NCALD: variants seen among roughly 807,000 people sequenced by gnomAD.
NCALD encodes the protein neurocalcin delta, also known as neurocalcin-delta.
Under a neutral mutation model 18.6 loss-of-function variants are expected in NCALD, and 10 were observed. The ratio of observed to expected loss-of-function variants is 0.54; its 90% CI spans 0.33 to 0.91. NCALD has a LOEUF of 0.91. Among genes scored for constraint, NCALD ranks in the 40% least tolerant of loss-of-function variants. NCALD has a pLI of 0.03. For synonymous variants in NCALD, 88 were observed against 87.4 expected, an observed-to-expected ratio of 1.01 and a Z score of -0.04; for missense variants, 184 against 247.6, an observed-to-expected ratio of 0.74 and a Z score of 1.72.
chr8:101,785,991 G>C (rs1330613610), intron 1 of NCALD: 2 of 152,206 alleles, frequency 1.3e-5, no homozygotes, highest in Non-Finnish European at 2.9e-5. Context: ...GTTTTGTTTT[G>C]ATGTTCTGTT....
intron 1 of NCALD, among the ~76,000 whole-genome samples, chr8:101,764,049 A>G (rs1811241818): frequency 6.6e-6 from 1 of 151,274 alleles, no homozygotes; most frequent in Admixed American, 6.6e-5. Context: ...AGAACCTTAA[A>G]TAATGCACTG....
chr8:101,885,723 C>T (rs1426617214), intron 4 of NCALD, among the ~76,000 whole-genome samples: 1 of 152,126 alleles, frequency 6.6e-6, no homozygotes, highest in Non-Finnish European at 1.5e-5. Flanking sequence ...AGAGAAGGAC[C>T]CAGGTGCTGC....
chr8:101,940,562 C>CT (rs1011784776), intron 2 of NCALD, among the ~76,000 whole-genome samples: 1 of 152,130 alleles, frequency 6.6e-6, no homozygotes, highest in Non-Finnish European at 1.5e-5. Flanking sequence ...AGTGTGATGG[C>CT]TTTTTTTCTC....
chr8:101,788,891 A>G (rs1812341883), intron 1 of NCALD: 1 of 152,146 alleles, frequency 6.6e-6, no homozygotes, highest in Non-Finnish European at 1.5e-5. Context: ...TTATTTTCCC[A>G]TAGGAAAAGA....
At chr8:101,932,876 G>A (rs965292438) in intron 2 of NCALD, among the ~76,000 whole-genome samples, 1 of 152,106 alleles carries the variant, frequency 6.6e-6, no homozygotes, top group East Asian at 1.9e-4. Flanking sequence ...TAAATTATAG[G>A]CAGTTCAGAT....
intron 1 of NCALD, among the ~76,000 whole-genome samples, chr8:102,022,456 A>G (rs1452899182): frequency 1.3e-5 from 2 of 152,174 alleles, no homozygotes; most frequent in Non-Finnish European, 2.9e-5. Flanking sequence ...GTTCTTGGAA[A>G]TGGTTCAGAT....
intron 4 of NCALD, among the ~76,000 whole-genome samples, chr8:101,837,391 A>G (rs998275882): frequency 5.3e-5 from 8 of 152,228 alleles, no homozygotes. Context: ...CATAGGCATA[A>G]ATCAAACCAT....
At chr8:102,084,458 C>T (rs117547966) in intron 1 of NCALD, among the ~76,000 whole-genome samples, 101 of 152,284 alleles carry the variant, frequency 6.6e-4, no homozygotes, top group Non-Finnish European at 1.3e-3. Context: ...ACCAAGGGGG[C>T]GACTTGAGAG....
chr8:102,105,391 T>C (rs1825412198), intron 1 of NCALD, among the ~76,000 whole-genome samples: 1 of 152,154 alleles, frequency 6.6e-6, no homozygotes. Context: ...TGGCCACCAA[T>C]GAAACTAAGA....
intron 1 of NCALD, among the ~76,000 whole-genome samples, chr8:102,059,905 G>A (rs935388270): frequency 6.6e-6 from 1 of 152,194 alleles, no homozygotes; most frequent in Admixed American, 6.5e-5. Context: ...CTGCCAGGGG[G>A]CCTACCCTCA....
At chr8:101,719,156 C>A (rs1425689377) in intron 2 of NCALD, 96 bp downstream of exon 2, 2 of 1,449,464 alleles carry the variant, frequency 1.4e-6, no homozygotes, top group Admixed American at 2.2e-5. Context: ...TGGTGACTCA[C>A]CAGTTTGCAA....
chr8:101,870,909 C>CCCCA (rs1554649158), intron 4 of NCALD, among the ~76,000 whole-genome samples: 36 of 81,542 alleles, frequency 4.4e-4, no homozygotes, highest in South Asian at 2.3e-3. Context: ...CCCCCCCCCC[C>CCCCA]AAAAAAAGAG....
At chr8:101,787,963 CTA>C (rs1408747213) in intron 1 of NCALD, among the ~76,000 whole-genome samples, 1 of 152,186 alleles carries the variant, frequency 6.6e-6, no homozygotes, top group Non-Finnish European at 1.5e-5. Flanking sequence ...TGTACTAACA[CTA>C]TGAGTTTTCC....
intron 1 of NCALD, among the ~76,000 whole-genome samples, chr8:102,082,556 A>AT (rs1301262598): frequency 1.3e-5 from 2 of 152,122 alleles, no homozygotes; most frequent in African/African-American, 4.8e-5. Flanking sequence ...AGATGGTCAA[A>AT]TATGCAGCAT....
At chr8:101,838,574 G>T (rs1814509203) in intron 4 of NCALD, among the ~76,000 whole-genome samples, 1 of 152,188 alleles carries the variant, frequency 6.6e-6, no homozygotes, top group African/African-American at 2.4e-5. Flanking sequence ...GAAAACAGGG[G>T]TTTTCTAAGA....
intron 1 of NCALD, among the ~76,000 whole-genome samples, chr8:102,105,978 G>T (rs1045570141): frequency 3.0e-4 from 46 of 152,092 alleles, no homozygotes; most frequent in African/African-American, 1.1e-3. Flanking sequence ...GAATCAATGA[G>T]AGTAGTAGTC....
intron 1 of NCALD, among the ~76,000 whole-genome samples, chr8:101,727,368 A>C (rs1004196491): frequency 1.3e-5 from 2 of 152,072 alleles, no homozygotes; most frequent in African/African-American, 4.8e-5. Flanking sequence ...AACTCTCCTC[A>C]CTGAAATCTT....
At chr8:101,968,374 C>T (rs1586843100) in intron 2 of NCALD, among the ~76,000 whole-genome samples, 1 of 152,226 alleles carries the variant, frequency 6.6e-6, no homozygotes, top group Non-Finnish European at 1.5e-5. Flanking sequence ...AGCAACTTTT[C>T]CAGATCAAAC....
At chr8:101,954,107 G>T (rs1819533544) in intron 2 of NCALD, among the ~76,000 whole-genome samples, 1 of 152,188 alleles carries the variant, frequency 6.6e-6, no homozygotes. Context: ...TACTGTGGGA[G>T]CTGCATTTGA....
Sources: allele counts gnomAD v4.1 joint callset (sites outside exome capture counted in the v4.1 genomes callset), GRCh38; gene constraint gnomAD v4.1.1; transcripts MANE v1.5; gene names NCBI Gene and HGNC (gene_info 2026-07-23, HGNC 2026-07-21).